The following XKR4 variants were observed in gnomAD, a reference collection of about 807,000 sequenced individuals.
XKR4 encodes the protein XK-related protein 4.
In XKR4, 12 loss-of-function variants were observed where a neutral mutation model predicts 53.9. The observed-to-expected ratio is 0.22, with a 90% CI of 0.14 to 0.36. The LOEUF is 0.36. Ranked by LOEUF, XKR4 falls within the 10% of genes least tolerant of loss-of-function variation. The pLI is 1.00. For synonymous variants in XKR4, 354 were observed against 362.4 expected, an observed-to-expected ratio of 0.98 and a Z score of 0.26; for missense variants, 799 against 859.5, an observed-to-expected ratio of 0.93 and a Z score of 0.88.
intron 2 of XKR4, chr8:55,520,867 T>A (rs1487397446): frequency 1.3e-5 from 2 of 152,322 alleles, no homozygotes; most frequent in Non-Finnish European, 2.9e-5. Context: ...CTAATGTTTC[T>A]ATTCTTTTAA....
intron 1 of XKR4, among the ~76,000 whole-genome samples, chr8:55,259,912 C>T (rs1818494772): frequency 6.6e-6 from 1 of 151,632 alleles, no homozygotes; most frequent in African/African-American, 2.4e-5. Flanking sequence ...CACACTCACC[C>T]ACCCACCCAC....
Position 55,524,163 on chromosome 8 carries a change from C to A in XKR4, c.1889C>A (p.Pro630Gln), listed in dbSNP as rs1806847500. Reference protein sequence around the residue: ...ILAFECSPSPPRLQYKDDALI... With the variant: ...ILAFECSPSPQRLQYKDDALI... ...GCTTTTGAATGTTCCCCATCTCCTC[C>A]AAGGCTGCAGTACAAAGATGATGCC... The change falls in exon 3 of 3, where the codon CCA becomes CAA. Residue 630 changes from proline to glutamine, a missense_variant. Physicochemically the swap from Pro to Gln is moderately conservative, Grantham distance 76 (BLOSUM62 -1). Coordinates refer to ENST00000327381, the MANE Select transcript of XKR4 (RefSeq NM_052898.2). The A allele has an allele frequency of 6.2e-7, 1 of 1,614,230 alleles. No homozygotes were observed.
chr8:55,457,358 G>T (rs1329791928), intron 2 of XKR4, among the ~76,000 whole-genome samples: 4 of 152,052 alleles, frequency 2.6e-5, no homozygotes, highest in Non-Finnish European at 4.4e-5. Context: ...TAGGCAGGAT[G>T]GTCTCAATCT....
At chr8:55,187,797 C>T (rs1020048884) in intron 1 of XKR4, among the ~76,000 whole-genome samples, 7 of 152,140 alleles carry the variant, frequency 4.6e-5, no homozygotes, top group Non-Finnish European at 1.0e-4. Flanking sequence ...GATCACCAAT[C>T]GCTGAAAACA....
chr8:55,175,329 A>C (rs1380110924), intron 1 of XKR4, among the ~76,000 whole-genome samples: 1 of 152,228 alleles, frequency 6.6e-6, no homozygotes, highest in African/African-American at 2.4e-5. Context: ...TTTTATATTC[A>C]ATATTCTGGT....
chr8:55,217,914 G>C (rs537312867), intron 1 of XKR4, among the ~76,000 whole-genome samples: 1 of 152,236 alleles, frequency 6.6e-6, no homozygotes, highest in African/African-American at 2.4e-5. Flanking sequence ...CATATAAGAA[G>C]ACTTTGTTCT....
chr8:55,472,820 G>A (rs79455972), intron 2 of XKR4, among the ~76,000 whole-genome samples: 2,163 of 152,128 alleles, frequency 0.014, 57 homozygotes, highest in African/African-American at 0.05. Flanking sequence ...GTGAGGAAAC[G>A]GAGGCACCAC....
In XKR4 at chr8:55,528,695, G is replaced by A. The variant is rs1273357679; in HGVS notation, c.*4468G>A. 3 of 152,128 alleles carry A rather than the reference G, an allele frequency of 2.0e-5. No homozygotes were observed. The highest frequency in any genetic ancestry group is 4.4e-5 in the Non-Finnish European group (3 of 68,040). The allele number at this position is 152,128 out of a possible 1,614,324, so 9.4% of individuals were successfully genotyped here. Reference sequence around the variant, plus strand: ...GCATGGTGAAAACACAGGAGGACTGGGGTGGTCATTCCTATAATTTCAGTG... The same window carrying A: ...GCATGGTGAAAACACAGGAGGACTGAGGTGGTCATTCCTATAATTTCAGTG... On this transcript the variant is annotated 3_prime_UTR_variant, in exon 3 of 3. Coordinates refer to ENST00000327381, the MANE Select transcript of XKR4 (RefSeq NM_052898.2).
rs1463254344 is a variant in XKR4, at chr8:55,532,027, A to G, written c.*7800A>G. ...TGAGTGATTGGCTTCCCACATATAT[A>G]AGCAGCAGATTGTTAAAGATCACTA... is the stretch of plus-strand genomic sequence containing the variant. On this transcript the variant is annotated 3_prime_UTR_variant, in exon 3 of 3. Transcript: ENST00000327381. The G allele has an allele frequency of 6.6e-6, 1 of 152,190 alleles. No individual in the cohort carries two copies. Among genetic ancestry groups the G allele is most frequent in the Non-Finnish European group, 1.5e-5 (1 of 68,030 alleles). The allele number at this position is 152,190 out of a possible 1,614,324, so 9.4% of individuals were successfully genotyped here.
intron 2 of XKR4, among the ~76,000 whole-genome samples, chr8:55,401,370 G>A (rs1804599630): frequency 1.3e-5 from 2 of 152,360 alleles, no homozygotes; most frequent in South Asian, 2.1e-4. Flanking sequence ...AGGAAAGTGA[G>A]TCTATGTGAA....
intron 2 of XKR4, among the ~76,000 whole-genome samples, chr8:55,485,361 AAGG>A (rs1806176571): frequency 6.6e-6 from 1 of 152,224 alleles, no homozygotes; most frequent in Non-Finnish European, 1.5e-5. Flanking sequence ...AAAAAATCCC[AAGG>A]AATATACAAA....
chr8:55,278,923 A>G (rs956759924), intron 1 of XKR4, among the ~76,000 whole-genome samples: 1 of 152,218 alleles, frequency 6.6e-6, no homozygotes, highest in Non-Finnish European at 1.5e-5. Context: ...TCAGGGAACC[A>G]CAGATTGCAA....
intron 1 of XKR4, among the ~76,000 whole-genome samples, chr8:55,162,858 A>T (rs1252632102): frequency 6.6e-6 from 1 of 152,218 alleles, no homozygotes; most frequent in Non-Finnish European, 1.5e-5. Flanking sequence ...TGAAATAGTT[A>T]TTCTTAGCTG....
chr8:55,470,054 T>A (rs1267389862), intron 2 of XKR4, among the ~76,000 whole-genome samples: 1 of 152,092 alleles, frequency 6.6e-6, no homozygotes, highest in Non-Finnish European at 1.5e-5. Context: ...GAGGAGGTAC[T>A]CAGCTCTATC....
chr8:55,415,704 G>A (rs549962936), intron 2 of XKR4, among the ~76,000 whole-genome samples: 1 of 152,240 alleles, frequency 6.6e-6, no homozygotes, highest in East Asian at 1.9e-4. Context: ...AACCTCATTA[G>A]AAAATTGTTT....
chr8:55,368,902 C>T (rs567221326), intron 2 of XKR4, among the ~76,000 whole-genome samples: 4 of 152,300 alleles, frequency 2.6e-5, no homozygotes, highest in Non-Finnish European at 5.9e-5. Flanking sequence ...GGAAAGGACA[C>T]AATATAAGTT....
chr8:55,437,041 C>A (rs1185106142), intron 2 of XKR4, among the ~76,000 whole-genome samples: 1 of 152,128 alleles, frequency 6.6e-6, no homozygotes, highest in Admixed American at 6.6e-5. Context: ...GAATTCAACA[C>A]AGAGATTGAA....
At chr8:55,427,966 G>A (rs985899778) in intron 2 of XKR4, among the ~76,000 whole-genome samples, 5 of 152,166 alleles carry the variant, frequency 3.3e-5, no homozygotes, top group African/African-American at 1.2e-4. Context: ...CAGTCTCCAA[G>A]TACAGATTAT....
At chr8:55,475,477 T>C (rs955436415) in intron 2 of XKR4, among the ~76,000 whole-genome samples, 13 of 152,192 alleles carry the variant, frequency 8.5e-5, no homozygotes, top group Admixed American at 2.0e-4. Flanking sequence ...AGAGCAATGG[T>C]GTGATCAGAT....
Sources: gnomAD v4.1 joint callset for allele counts (sites outside exome capture counted in the v4.1 genomes callset) on GRCh38, gnomAD v4.1.1 for gene constraint, MANE v1.5 for transcripts, NCBI Gene and HGNC (gene_info 2026-07-23, HGNC 2026-07-21) for gene names.